MYLK3: variants seen among roughly 807,000 people sequenced by gnomAD.
MYLK3 encodes the protein MLC kinase.
In MYLK3, 55 loss-of-function variants were observed where a neutral mutation model predicts 76.3. That is an observed-to-expected ratio of 0.72 (90% CI 0.58 to 0.90). The LOEUF (loss-of-function observed/expected upper bound fraction) is 0.90. MYLK3 is among the 40% of genes least tolerant of loss of function. MYLK3 has a pLI of 0.00. For synonymous variants in MYLK3, 416 were observed against 425.4 expected (o/e 0.98, Z 0.27); for missense variants, 973 against 1,053.6 (o/e 0.92, Z 1.06).
chr16:46,711,969 A>C (rs998989905), intron 10 of MYLK3, among the ~76,000 whole-genome samples: 4 of 150,092 alleles, frequency 2.7e-5, no homozygotes, highest in African/African-American at 9.8e-5. Flanking sequence ...GTACCAAAAA[A>C]TTCAATGGCT....
rs566289382 is a variant in MYLK3 at position 46,730,466 on chromosome 16, C to T, written c.1568+127G>A. On this transcript the variant is annotated intron_variant, in intron 5 of 12. Coordinates refer to ENST00000394809, the MANE Select transcript of MYLK3 (RefSeq NM_182493.3). Reference sequence around the variant, plus strand: ...CCCATGCTGTACAGGATGTCCCACCCCAGCCTTGGCTCCATCAGCTCGAGA... The same window carrying T: ...CCCATGCTGTACAGGATGTCCCACCTCAGCCTTGGCTCCATCAGCTCGAGA... 56 of 741,806 alleles carry T rather than the reference C, an allele frequency of 7.5e-5. No individual in the cohort carries two copies. The African/African-American group carries it at 9.1e-4, about 12-fold the overall frequency. 46.0% of individuals were successfully genotyped at this position (741,806 alleles called of 1,614,324 possible). A position where few individuals can be genotyped will look rare whatever the true frequency, so the allele number is the denominator to read the frequency against.
intron 1 of MYLK3, among the ~76,000 whole-genome samples, chr16:46,744,134 G>T (rs1407323908): frequency 6.6e-6 from 1 of 151,908 alleles, no homozygotes; most frequent in African/African-American, 2.4e-5. Flanking sequence ...CCGGGTTCAA[G>T]TGATTCTTCT....
rs1966661114 is a variant in MYLK3, at chr16:46,709,538, C to T, written c.2400+1G>A. ...CCTTTACTAAGAGAAAAACCAAATA[C>T]CTTCCATTTTCTTTGAGCTATGTAT... On this transcript the variant is annotated splice_donor_variant, in intron 12 of 12. Transcript: ENST00000394809. LOFTEE classifies it high-confidence loss of function. 1.9e-6 allele frequency: 3 copies of T among 1,612,814 alleles called. No individual in the cohort carries two copies. The highest frequency in any genetic ancestry group is 2.5e-6 in the Non-Finnish European group (3 of 1,179,626).
chr16:46,747,840 C>T lies in MYLK3; in HGVS notation c.354G>A (p.Val118=). 1 of 1,614,200 alleles carries T rather than the reference C, an allele frequency of 6.2e-7. No individual in the cohort carries two copies. The highest frequency in any genetic ancestry group is 8.5e-7 in the Non-Finnish European group (1 of 1,180,046). The change falls in exon 1 of 13, where the codon GTG becomes GTA. Residue 118 remains valine, a synonymous_variant. Coordinates refer to ENST00000394809, the MANE Select transcript of MYLK3 (RefSeq NM_182493.3). ...AAGCGATGGCCCTGTCCACCGCAGC[C>T]ACCATCCTGAAGAGGGCCTCCAGCC... ...GARLEALFRM[V]AAVDRAIALV...
intron 1 of MYLK3, among the ~76,000 whole-genome samples, chr16:46,759,243 T>C (rs1967244882): frequency 1.3e-5 from 2 of 152,254 alleles, no homozygotes; most frequent in Non-Finnish European, 2.9e-5. Flanking sequence ...CAAGTCAAAC[T>C]GTTCCCTGCC....
chr16:46,739,955 G>C, intron 2 of MYLK3, 102 bp downstream of exon 2: 1 of 799,134 alleles, frequency 1.3e-6, no homozygotes, highest in Admixed American at 2.4e-5. Context: ...AAGAAGCTTT[G>C]ACAGTTGCCC....
chr16:46,758,905 G>T (rs1299828458), intron 1 of MYLK3, among the ~76,000 whole-genome samples: 1 of 152,198 alleles, frequency 6.6e-6, no homozygotes, highest in Non-Finnish European at 1.5e-5. Flanking sequence ...GGGACTCCGA[G>T]ATATTCAATA....
intron 1 of MYLK3, among the ~76,000 whole-genome samples, chr16:46,758,304 ACTCTCTCTCTCT>A (rs3044832): frequency 0.03 from 2,649 of 87,256 alleles, 92 homozygotes; most frequent in African/African-American, 0.083. Flanking sequence ...ACACACACAC[ACTCTCTCTCTCT>A]CTCTCTCTCT....
intron 10 of MYLK3, chr16:46,711,089 C>T (rs574581525): frequency 4.1e-5 from 16 of 392,140 alleles, no homozygotes; most frequent in African/African-American, 2.9e-4. Flanking sequence ...TTGGTATGCC[C>T]AGTTATCAAG....
upstream of MYLK3, chr16:46,748,392 C>T: frequency 9.8e-7 from 1 of 1,019,678 alleles, no homozygotes; most frequent in Non-Finnish European, 1.4e-6. The surrounding 1 kb of genome is among the most constrained non-coding windows in gnomAD (Gnocchi z 4.3). Context: ...CTTTGCTTAT[C>T]TCCCACCCTA....
Position 46,703,028 on chromosome 16 carries a change from C to A in MYLK3, c.*4676G>T, listed in dbSNP as rs1197784824. Among the ~76,000 whole-genome samples, 1 of 150,728 alleles carries A rather than the reference C, an allele frequency of 6.6e-6. No homozygotes were observed. The highest frequency in any genetic ancestry group is 2.4e-5 in the African/African-American group (1 of 41,042). ...AAAGTGGAATTCCCCCTCTCCCAAT[C>A]ACCCACTTTTCACACTCCACTGTTA... On this transcript the variant is annotated 3_prime_UTR_variant, in exon 13 of 13. Coordinates refer to ENST00000394809, the MANE Select transcript of MYLK3 (RefSeq NM_182493.3).
chr16:46,733,307 A>G (rs982232037), intron 3 of MYLK3, among the ~76,000 whole-genome samples: 1 of 152,178 alleles, frequency 6.6e-6, no homozygotes, highest in Non-Finnish European at 1.5e-5. Flanking sequence ...GTGAGCTATG[A>G]TCATACCACT....
chr16:46,754,477 G>T (rs1022292656), intron 1 of MYLK3, among the ~76,000 whole-genome samples: 2 of 152,002 alleles, frequency 1.3e-5, no homozygotes, highest in African/African-American at 4.8e-5. Context: ...CATGGGAGTG[G>T]GCCTGGTGAT....
chr16:46,730,548 T>G (rs543451988), intron 5 of MYLK3, 45 bp downstream of exon 5: 2 of 1,536,222 alleles, frequency 1.3e-6, no homozygotes, highest in East Asian at 4.5e-5. Flanking sequence ...CCCTGCCCCG[T>G]GACTCCTGCT....
At chr16:46,718,131 T>A (rs1966763143) in intron 9 of MYLK3, among the ~76,000 whole-genome samples, 2 of 152,102 alleles carry the variant, frequency 1.3e-5, no homozygotes, top group Admixed American at 1.3e-4. Flanking sequence ...GGTATTAAAT[T>A]TCATGGCATA....
intron 1 of MYLK3, chr16:46,757,308 C>T: frequency 5.3e-6 from 5 of 934,804 alleles, no homozygotes; most frequent in Non-Finnish European, 6.4e-6. Context: ...TTTCTTGGCG[C>T]AAGAGAACCC....
Position 46,737,884 on chromosome 16 carries a change from C to G in MYLK3, c.828G>C (p.Pro276=), listed in dbSNP as rs140211091. Residue 276 remains proline (P), a synonymous_variant, in exon 3 of 13, where the codon CCG becomes CCC. Coordinates refer to ENST00000394809, the MANE Select transcript of MYLK3 (RefSeq NM_182493.3). Reference sequence around the variant, plus strand: ...CTGCACCTGGTGCAACCTCCAGGCTCGGGGAGACCACATTGACCCTGCCGG... The same window carrying G: ...CTGCACCTGGTGCAACCTCCAGGCTGGGGGAGACCACATTGACCCTGCCGG... ...PAPGRVNVVS[P]SLEVAPGAGQ... 1.2e-6 allele frequency: 2 copies of G among 1,614,014 alleles called. No homozygotes were observed. The highest frequency in any genetic ancestry group is 1.7e-6 in the Non-Finnish European group (2 of 1,180,020).
chr16:46,708,151 A>ACT (rs894935859), intron 12 of MYLK3, among the ~76,000 whole-genome samples: 1 of 151,912 alleles, frequency 6.6e-6, no homozygotes, highest in Non-Finnish European at 1.5e-5. Flanking sequence ...GACTACAGGC[A>ACT]ACCACCACCA....
intron 3 of MYLK3, among the ~76,000 whole-genome samples, chr16:46,736,133 C>T (rs948966408): frequency 1.3e-5 from 2 of 152,152 alleles, no homozygotes; most frequent in African/African-American, 4.8e-5. Flanking sequence ...TCAGCCTCCC[C>T]AGTAGCATGC....
Sources: allele counts gnomAD v4.1 joint callset (sites outside exome capture counted in the v4.1 genomes callset), GRCh38; gene constraint gnomAD v4.1.1; non-coding constraint Gnocchi (gnomAD v3.1); transcripts MANE v1.5; gene names NCBI Gene and HGNC (gene_info 2026-07-23, HGNC 2026-07-21).